MTMR7: variants seen among roughly 807,000 people sequenced by gnomAD.
The protein encoded by MTMR7 is phosphatidylinositol-3-phosphate phosphatase MTMR7.
A neutral mutation model predicts 81.2 loss-of-function variants in MTMR7; 76 were observed. The observed-to-expected ratio is 0.94, with a 90% CI of 0.78 to 1.13. The LOEUF is 1.13. Ranked by LOEUF, MTMR7 falls within the 50% of genes most tolerant of loss-of-function variation. MTMR7 has a pLI of 0.00. For synonymous variants in MTMR7, 372 were observed against 289.8 expected (o/e 1.28, Z -2.88); for missense variants, 1,044 against 820.0 (o/e 1.27, Z -3.34).
At chr8:17,385,289 G>A (rs1341077668) in intron 1 of MTMR7, among the ~76,000 whole-genome samples, 1 of 151,968 alleles carries the variant, frequency 6.6e-6, no homozygotes, top group Non-Finnish European at 1.5e-5. Context: ...CTTGGTACTT[G>A]ATATGGTTTG....
intron 1 of MTMR7, among the ~76,000 whole-genome samples, chr8:17,402,634 T>C (rs1478787810): frequency 6.6e-6 from 1 of 152,234 alleles, no homozygotes; most frequent in East Asian, 1.9e-4. Flanking sequence ...TGTATATATG[T>C]ACTACGTTTT....
At chr8:17,401,832 T>C (rs1181871810) in intron 1 of MTMR7, among the ~76,000 whole-genome samples, 1 of 152,096 alleles carries the variant, frequency 6.6e-6, no homozygotes, top group Non-Finnish European at 1.5e-5. Flanking sequence ...GTTTGGGACA[T>C]AGTGAAATTG....
intron 1 of MTMR7, among the ~76,000 whole-genome samples, chr8:17,389,869 T>C (rs553124802): frequency 1.3e-5 from 2 of 152,296 alleles, no homozygotes; most frequent in East Asian, 3.9e-4. Context: ...TATTGAAAGA[T>C]ACTGAAGCTT....
intron 7 of MTMR7, among the ~76,000 whole-genome samples, chr8:17,324,482 G>A (rs1818568526): frequency 6.6e-6 from 1 of 152,214 alleles, no homozygotes; most frequent in Non-Finnish European, 1.5e-5. Flanking sequence ...ATGCATCCAT[G>A]CTCTTCCTCT....
At chr8:17,392,009 T>A (rs986637338) in intron 1 of MTMR7, among the ~76,000 whole-genome samples, 2 of 152,010 alleles carry the variant, frequency 1.3e-5, no homozygotes, top group Non-Finnish European at 2.9e-5. Flanking sequence ...CTAAGAAATA[T>A]GGTACAAAAT....
At chr8:17,389,743 C>T (rs1821047248) in intron 1 of MTMR7, among the ~76,000 whole-genome samples, 1 of 151,772 alleles carries the variant, frequency 6.6e-6, no homozygotes, top group Non-Finnish European at 1.5e-5. Flanking sequence ...ATACAGGAAA[C>T]AGAGCAGAGA....
intron 3 of MTMR7, among the ~76,000 whole-genome samples, chr8:17,368,298 T>C (rs1820299050): frequency 1.3e-5 from 2 of 152,178 alleles, no homozygotes; most frequent in African/African-American, 4.8e-5. Context: ...TAACCCGCCA[T>C]AGACTGGTAC....
chr8:17,316,895 T>C (rs535352369), intron 7 of MTMR7, among the ~76,000 whole-genome samples: 6 of 152,242 alleles, frequency 3.9e-5, no homozygotes, highest in South Asian at 4.2e-4. Flanking sequence ...CAATTCTCCT[T>C]GGATACTGAG....
chr8:17,317,040 TATA>T (rs952894634), intron 7 of MTMR7, among the ~76,000 whole-genome samples: 1 of 152,232 alleles, frequency 6.6e-6, no homozygotes, highest in African/African-American at 2.4e-5. Context: ...TTGCCAATCT[TATA>T]ATATTTCTCT....
At chr8:17,386,703 G>A (rs1177314543) in intron 1 of MTMR7, among the ~76,000 whole-genome samples, 5 of 152,268 alleles carry the variant, frequency 3.3e-5, no homozygotes, top group Non-Finnish European at 5.9e-5. Flanking sequence ...GAAGAAAAGC[G>A]CCAGCTGCCC....
intron 5 of MTMR7, among the ~76,000 whole-genome samples, chr8:17,347,824 T>C (rs956301783): frequency 2.0e-5 from 3 of 146,444 alleles, no homozygotes; most frequent in Admixed American, 1.3e-4. Flanking sequence ...GCAATTCTGA[T>C]GAAAGGGAGG....
intron 1 of MTMR7, among the ~76,000 whole-genome samples, chr8:17,379,600 C>A (rs1820698422): frequency 1.3e-5 from 2 of 152,126 alleles, no homozygotes; most frequent in African/African-American, 4.8e-5. Flanking sequence ...ACTTTCGCCC[C>A]CAGCTTTTAG....
intron 3 of MTMR7, among the ~76,000 whole-genome samples, chr8:17,365,967 T>A (rs1820212352): frequency 6.6e-6 from 1 of 152,196 alleles, no homozygotes; most frequent in South Asian, 2.1e-4. Context: ...TGGCTGATCT[T>A]ATTCTAGCAC....
intron 5 of MTMR7, among the ~76,000 whole-genome samples, chr8:17,344,211 A>C (rs1036359536): frequency 3.3e-5 from 5 of 152,212 alleles, no homozygotes; most frequent in African/African-American, 1.2e-4. Context: ...TAAATAGGGA[A>C]GCCAAGATTT....
chr8:17,412,065 T>C (rs1053599408), intron 1 of MTMR7, among the ~76,000 whole-genome samples: 18 of 152,232 alleles, frequency 1.2e-4, no homozygotes, highest in Non-Finnish European at 2.2e-4. Context: ...AGTTTACAAT[T>C]TCATGATTGT....
chr8:17,296,905 C>CAGTT lies in MTMR7; in HGVS notation c.*2953_*2956dup, dbSNP rs1374675071. 1.3e-5 allele frequency: 2 copies of CAGTT among 152,154 alleles called. No individual in the cohort carries two copies. Among genetic ancestry groups the CAGTT allele is most frequent in the African/African-American group, 4.8e-5 (2 of 41,442 alleles). 9.4% of individuals were successfully genotyped at this position (152,154 alleles called of 1,614,324 possible). A position where few individuals can be genotyped will look rare whatever the true frequency, so the allele number is the denominator to read the frequency against. ...CAGTCATGAAACAGAGCAGTGTGAT[C>CAGTT]AGTTATCTGCATTTAACAAATAGAC... On this transcript the variant is annotated 3_prime_UTR_variant, in exon 14 of 14. Coordinates refer to ENST00000180173, the MANE Select transcript of MTMR7 (RefSeq NM_004686.5).
chr8:17,399,331 G>A (rs562519134), intron 1 of MTMR7, among the ~76,000 whole-genome samples: 1 of 152,274 alleles, frequency 6.6e-6, no homozygotes, highest in African/African-American at 2.4e-5. Flanking sequence ...GTTCATGTAT[G>A]CCAACAGTGA....
At chr8:17,404,204 G>A (rs914703583) in intron 1 of MTMR7, among the ~76,000 whole-genome samples, 5 of 152,126 alleles carry the variant, frequency 3.3e-5, no homozygotes, top group Admixed American at 2.0e-4. Flanking sequence ...TGGTAGGAAC[G>A]GAGGTGGGAT....
intron 1 of MTMR7, among the ~76,000 whole-genome samples, chr8:17,374,939 A>AT (rs1405498967): frequency 6.6e-6 from 1 of 152,086 alleles, no homozygotes; most frequent in Non-Finnish European, 1.5e-5. Flanking sequence ...AAATACAAAA[A>AT]TTAGCCAGGC....
Sources: allele counts gnomAD v4.1 joint callset (sites outside exome capture counted in the v4.1 genomes callset), GRCh38; gene constraint gnomAD v4.1.1; transcripts MANE v1.5; gene names NCBI Gene and HGNC (gene_info 2026-07-23, HGNC 2026-07-21).